FHIT: variants seen among roughly 807,000 people sequenced by gnomAD.
FHIT encodes the protein bis(5'-adenosyl)-triphosphatase.
A neutral mutation model predicts 17.9 loss-of-function variants in FHIT; 19 were observed. The ratio of observed to expected loss-of-function variants is 1.06; its 90% CI spans 0.74 to 1.56. The LOEUF (loss-of-function observed/expected upper bound fraction) is 1.56, where lower values mean the gene tolerates loss of function less well. Ranked by LOEUF, FHIT falls within the 40% of genes most tolerant of loss-of-function variation. FHIT has a pLI of 0.00. For synonymous variants in FHIT, 81 were observed against 69.7 expected (o/e 1.16, Z -0.81); for missense variants, 248 against 189.2 (o/e 1.31, Z -1.82).
chr3:60,240,164 G>A (rs542855473), intron 5 of FHIT, among the ~76,000 whole-genome samples: 1 of 152,248 alleles, frequency 6.6e-6, no homozygotes, highest in East Asian at 1.9e-4. Flanking sequence ...GACAGAGACA[G>A]CTACAGTTAC....
chr3:60,615,803 T>C (rs1174588760), intron 4 of FHIT, among the ~76,000 whole-genome samples: 7 of 152,212 alleles, frequency 4.6e-5, no homozygotes, highest in African/African-American at 1.7e-4. Flanking sequence ...TAAGGCTCCA[T>C]CTAAGCTCTC....
intron 8 of FHIT, among the ~76,000 whole-genome samples, 157 bp downstream of exon 8, chr3:59,922,189 A>G (rs1200598302): frequency 6.6e-6 from 1 of 152,190 alleles, no homozygotes; most frequent in East Asian, 1.9e-4. Flanking sequence ...CACGATGGCC[A>G]TTCTTGACTC....
chr3:59,803,074 G>A (rs926569203), intron 8 of FHIT, among the ~76,000 whole-genome samples: 6 of 152,198 alleles, frequency 3.9e-5, no homozygotes, highest in African/African-American at 1.2e-4. Context: ...TACCAGGCAC[G>A]GGATGAATGT....
chr3:60,836,142 G>C (rs1007590014), intron 3 of FHIT, among the ~76,000 whole-genome samples: 1 of 152,080 alleles, frequency 6.6e-6, no homozygotes, highest in Non-Finnish European at 1.5e-5. Flanking sequence ...ACTCCATTTC[G>C]TCGTGGTATA....
chr3:60,823,163 G>C (rs1380741860), intron 3 of FHIT, among the ~76,000 whole-genome samples: 1 of 152,116 alleles, frequency 6.6e-6, no homozygotes, highest in Non-Finnish European at 1.5e-5. Context: ...CCATCATGCT[G>C]CCTACCTTCT....
intron 3 of FHIT, among the ~76,000 whole-genome samples, chr3:60,990,088 C>T (rs565273334): frequency 6.6e-6 from 1 of 152,278 alleles, no homozygotes; most frequent in South Asian, 2.1e-4. Flanking sequence ...CCATCACACC[C>T]ACAACCCTTA....
chr3:59,990,883 A>G (rs779273748), intron 7 of FHIT, among the ~76,000 whole-genome samples: 12 of 152,098 alleles, frequency 7.9e-5, no homozygotes, highest in East Asian at 1.9e-4. Flanking sequence ...ATCAAGAACA[A>G]AAGATTCCAG....
chr3:60,080,212 C>T (rs1246051758), intron 5 of FHIT, among the ~76,000 whole-genome samples: 6 of 152,110 alleles, frequency 3.9e-5, no homozygotes, highest in Non-Finnish European at 7.4e-5. Flanking sequence ...TCCTGAAATA[C>T]CTTCTCTGAT....
At chr3:60,311,331 T>C (rs1455408694) in intron 5 of FHIT, among the ~76,000 whole-genome samples, 3 of 152,122 alleles carry the variant, frequency 2.0e-5, no homozygotes, top group African/African-American at 7.2e-5. Context: ...TCCTTGAGTT[T>C]AGATTCAGGT....
chr3:60,043,146 C>G (rs544813610), intron 5 of FHIT, among the ~76,000 whole-genome samples: 27 of 152,172 alleles, frequency 1.8e-4, no homozygotes, highest in African/African-American at 6.5e-4. Context: ...GACAGCTGGA[C>G]AGTTAAAAGC....
Position 60,264,080 on chromosome 3 carries a change from C to CCCAA in FHIT, c.104-249929_104-249928insTTGG, listed in dbSNP as rs1285610916. ...CAACAAAGTATGTGGCATCAGCTTC[C>CCCAA]AGTGAATTCCCCAAAGTGGGGGAGA... is the stretch of plus-strand genomic sequence containing the variant. On this transcript the variant is annotated intron_variant, in intron 5 of 9. Transcript: ENST00000492590. Among the ~76,000 whole-genome samples the CCCAA allele has an allele frequency of 4.2e-3, 632 of 151,960 alleles. 3 individuals carry two copies. Among genetic ancestry groups the CCCAA allele is most frequent in the African/African-American group, 0.014 (590 of 41,498 alleles).
rs147965209 is a variant in FHIT, at chr3:60,865,996, C to T, written c.-110-43985G>A. Among the ~76,000 whole-genome samples the T allele has an allele frequency of 5.0e-4, 76 of 152,062 alleles. No homozygotes were observed. The South Asian group carries it at 0.014, about 29-fold the overall frequency. On this transcript the variant is annotated intron_variant, in intron 3 of 9. Transcript: ENST00000492590. ...TTCTAGCAGTAGCTAAGAAGTGACT[C>T]GGGGAAGCATTCAACAAGTAGGAAA...
At chr3:61,004,294 C>T (rs1262876832) in intron 3 of FHIT, among the ~76,000 whole-genome samples, 4 of 152,132 alleles carry the variant, frequency 2.6e-5, no homozygotes, top group Admixed American at 1.3e-4. Context: ...CCACCCAAGC[C>T]ACCCCAAATA....
At chr3:60,607,538 C>A (rs573279427) in intron 4 of FHIT, among the ~76,000 whole-genome samples, 1 of 151,914 alleles carries the variant, frequency 6.6e-6, no homozygotes, top group Non-Finnish European at 1.5e-5. Context: ...GAGACAGATT[C>A]TTTCTGATTG....
rs1308457614 is a variant in FHIT, at chr3:61,044,233, G to GA, written c.-163-2135dup. Among the ~76,000 whole-genome samples the GA allele has an allele frequency of 1.4e-4, 22 of 152,132 alleles. No individual in the cohort carries two copies. In the East Asian group the frequency reaches 4.3e-3, roughly 29 times the overall value. On this transcript the variant is annotated intron_variant, in intron 2 of 9. Coordinates refer to ENST00000492590, the MANE Select transcript of FHIT (RefSeq NM_002012.4). The stretch of plus-strand genomic sequence containing the variant: ...CCATCACAAAGAAGCTAAAAACCTT[G>GA]AAAAAAGATTACATGAATGGCTAAC...
intron 5 of FHIT, among the ~76,000 whole-genome samples, chr3:60,091,847 G>A (rs546391511): frequency 7.2e-5 from 11 of 152,040 alleles, no homozygotes; most frequent in Non-Finnish European, 1.0e-4. Context: ...CTCCCTAGAA[G>A]CCGAAGCTGC....
At chr3:59,764,800 A>G (rs1701707036) in intron 8 of FHIT, among the ~76,000 whole-genome samples, 1 of 151,846 alleles carries the variant, frequency 6.6e-6, no homozygotes, top group South Asian at 2.1e-4. Flanking sequence ...TTCATTTTAT[A>G]TGCCCTATAA....
chr3:60,580,138 A>C (rs2037705553), intron 4 of FHIT, among the ~76,000 whole-genome samples: 1 of 152,134 alleles, frequency 6.6e-6, no homozygotes, highest in African/African-American at 2.4e-5. Flanking sequence ...GCTCGTTCCA[A>C]CTCTAAAATT....
intron 5 of FHIT, among the ~76,000 whole-genome samples, chr3:60,532,869 A>T (rs1435373475): frequency 6.6e-6 from 1 of 152,194 alleles, no homozygotes; most frequent in Non-Finnish European, 1.5e-5. Flanking sequence ...GGTGAGGGGC[A>T]GCAAAATGTT....
Sources: gnomAD v4.1 joint callset for allele counts (sites outside exome capture counted in the v4.1 genomes callset) on GRCh38, gnomAD v4.1.1 for gene constraint, MANE v1.5 for transcripts, NCBI Gene and HGNC (gene_info 2026-07-23, HGNC 2026-07-21) for gene names.